Variants in LVRN observed in about 807,000 individuals in gnomAD.
LVRN encodes the protein aminopeptidase Q.
LVRN carries 99 observed loss-of-function variants against 111.4 expected under a neutral mutation model. The ratio of observed to expected loss-of-function variants is 0.89; its 90% CI spans 0.76 to 1.05. The LOEUF (loss-of-function observed/expected upper bound fraction) is 1.05, where lower values mean the gene tolerates loss of function less well. Ranked by LOEUF, LVRN falls within the 50% of genes least tolerant of loss-of-function variation. The pLI is 0.00. For missense variants in LVRN, 1,414 were observed against 1,206.8 expected (o/e 1.17, Z -2.54); for synonymous variants, 488 against 449.5 (o/e 1.09, Z -1.08).
intron 1 of LVRN, among the ~76,000 whole-genome samples, chr5:115,963,915 C>G (rs1753146150): frequency 6.6e-6 from 1 of 152,200 alleles, no homozygotes; most frequent in Non-Finnish European, 1.5e-5. Flanking sequence ...CCTTTCCTCT[C>G]TAGCCGGAAA....
intron 1 of LVRN, among the ~76,000 whole-genome samples, chr5:115,973,496 C>A (rs1293449154): frequency 6.6e-6 from 1 of 152,080 alleles, no homozygotes; most frequent in Non-Finnish European, 1.5e-5. Flanking sequence ...TCTTCTTTAA[C>A]CGTCTGATTG....
In LVRN at chr5:115,993,853, G is replaced by T; in HGVS notation, c.1373G>T (p.Arg458Ile). 1 of 1,541,096 alleles carries T rather than the reference G, an allele frequency of 6.5e-7. No individual in the cohort carries two copies. The highest frequency in any genetic ancestry group is 8.9e-7 in the Non-Finnish European group (1 of 1,129,218). The change falls in exon 6 of 20, where the codon AGA (arginine) becomes ATA (isoleucine). Residue 458 changes from arginine to isoleucine, a missense_variant and splice_region_variant. Coordinates refer to ENST00000357872, the MANE Select transcript of LVRN (RefSeq NM_173800.5). Reference protein sequence around the residue: ...VINYFNPKLPRNEIFFSNILH... With the variant: ...VINYFNPKLPINEIFFSNILH... ...AACTACTTTAATCCTAAACTCCCAAGAGTAAGTATGTTTACTAAGTTTATT... is the reference window on the plus strand; with the variant it reads ...AACTACTTTAATCCTAAACTCCCAATAGTAAGTATGTTTACTAAGTTTATT...
intron 1 of LVRN, among the ~76,000 whole-genome samples, chr5:115,972,209 T>A (rs1319006409): frequency 6.6e-6 from 1 of 152,070 alleles, no homozygotes; most frequent in Non-Finnish European, 1.5e-5. Flanking sequence ...TTCTGCTCTT[T>A]GAAAGACACT....
At position 116,025,982 on chromosome 5, in the gene LVRN, A is replaced by G; in HGVS notation, c.2837A>G (p.Gln946Arg). Reference sequence around the variant, plus strand: ...TCTGTCTCTCTGTCCTTCCAGCTGCAGCAGTTTTTCAGTAACATGTTGGAG... The same window carrying G: ...TCTGTCTCTCTGTCCTTCCAGCTGCGGCAGTTTTTCAGTAACATGTTGGAG... ...VTTDLQIVELQQFFSNMLEEH... is the reference protein window; with the variant it reads ...VTTDLQIVELRQFFSNMLEEH... Residue 946 changes from glutamine (Q) to arginine (R), a missense_variant, in exon 20 of 20, where the codon CAG (glutamine) becomes CGG (arginine). By Grantham distance (43) the Gln-to-Arg change is conservative. Transcript: ENST00000357872. The G allele has an allele frequency of 6.2e-7, 1 of 1,613,768 alleles. No homozygotes were observed. The highest frequency in any genetic ancestry group is 2.2e-5 in the East Asian group (1 of 44,872).
intron 6 of LVRN, among the ~76,000 whole-genome samples, chr5:115,998,752 T>C (rs956034650): frequency 4.6e-5 from 7 of 152,214 alleles, no homozygotes; most frequent in African/African-American, 1.2e-4. Context: ...AATCAGAACA[T>C]GATTTTGACA....
chr5:116,021,856 C>G (rs80207868), intron 18 of LVRN: 6,046 of 355,774 alleles, frequency 0.017, 151 homozygotes, highest in African/African-American at 0.075. Flanking sequence ...GTTTCCATGA[C>G]CACGCCTATT....
Position 116,008,270 on chromosome 5 carries a change from G to A in LVRN, c.2093+2303G>A, listed in dbSNP as rs111704746. Among the ~76,000 whole-genome samples, 1,017 of 152,272 alleles carry A rather than the reference G, an allele frequency of 6.7e-3. 11 individuals carry two copies. Among genetic ancestry groups the A allele is most frequent in the African/African-American group, 0.023 (957 of 41,542 alleles). On this transcript the variant is annotated intron_variant, in intron 13 of 19. Coordinates refer to ENST00000357872, the MANE Select transcript of LVRN (RefSeq NM_173800.5). ...GAGGCAGGAGAATGGCATGAACCCAGGAAGCAGAGCTTGCAGTGAGCAGAG... is the reference window on the plus strand; with the variant it reads ...GAGGCAGGAGAATGGCATGAACCCAAGAAGCAGAGCTTGCAGTGAGCAGAG...
At chr5:115,967,410 T>C (rs903349856) in intron 1 of LVRN, among the ~76,000 whole-genome samples, 1 of 152,210 alleles carries the variant, frequency 6.6e-6, no homozygotes, top group African/African-American at 2.4e-5. Context: ...CACTATTGAA[T>C]TGCTTTTGCA....
chr5:115,963,659 GA>G (rs1753141072), intron 1 of LVRN, among the ~76,000 whole-genome samples: 1 of 152,136 alleles, frequency 6.6e-6, no homozygotes, highest in Non-Finnish European at 1.5e-5. Flanking sequence ...ATTGAACAAT[GA>G]GAACACTTGG....
At position 115,999,776 on chromosome 5, in the gene LVRN, T is replaced by C; in HGVS notation, c.1389T>C (p.Phe463=). 6.2e-7 allele frequency: 1 copy of C among 1,613,422 alleles called. No individual in the cohort carries two copies. The highest frequency in any genetic ancestry group is 8.5e-7 in the Non-Finnish European group (1 of 1,179,688). Reference sequence around the variant, plus strand: ...TTCCTTTATAGAATGAGATCTTTTTTTCTAACATTTTACATAATATCCTCA... The same window carrying C: ...TTCCTTTATAGAATGAGATCTTTTTCTCTAACATTTTACATAATATCCTCA... ...NPKLPRNEIF[F]SNILHNILRE... is the part of the protein sequence containing the mutation. Residue 463 remains phenylalanine, a synonymous_variant, in exon 7 of 20, where the codon TTT becomes TTC. Coordinates refer to ENST00000357872, the MANE Select transcript of LVRN (RefSeq NM_173800.5).
intron 15 of LVRN, among the ~76,000 whole-genome samples, chr5:116,012,847 A>G (rs1031803566): frequency 6.6e-6 from 1 of 152,204 alleles, no homozygotes; most frequent in Non-Finnish European, 1.5e-5. Context: ...TCTGTATTTT[A>G]TTATTAACAG....
intron 15 of LVRN, among the ~76,000 whole-genome samples, chr5:116,013,679 G>A (rs1481302725): frequency 6.6e-6 from 1 of 152,110 alleles, no homozygotes; most frequent in Non-Finnish European, 1.5e-5. Context: ...ACTGGAGGAC[G>A]GAGTAACAGA....
chr5:116,007,999 C>T (rs1209347590), intron 13 of LVRN, among the ~76,000 whole-genome samples: 7 of 152,192 alleles, frequency 4.6e-5, no homozygotes, highest in Non-Finnish European at 1.5e-5. Flanking sequence ...AGCCATTCCT[C>T]CATCTCTCTC....
intron 4 of LVRN, among the ~76,000 whole-genome samples, chr5:115,991,792 A>G (rs187379916): frequency 6.6e-6 from 1 of 152,288 alleles, no homozygotes; most frequent in African/African-American, 2.4e-5. Flanking sequence ...TGTATTTGCC[A>G]TTTATATATC....
chr5:115,984,088 C>A (rs928814592), intron 2 of LVRN, among the ~76,000 whole-genome samples: 4 of 152,194 alleles, frequency 2.6e-5, no homozygotes, highest in African/African-American at 9.6e-5. Context: ...CAACCCATTT[C>A]ACATCGAGTG....
rs1472263207 is a variant in LVRN, at chr5:115,962,665, C to T, written c.48C>T (p.Ala16=). 2.5e-6 allele frequency: 4 copies of T among 1,609,738 alleles called. No individual in the cohort carries two copies. In the South Asian group the frequency reaches 4.4e-5, roughly 18 times the overall value. Reference sequence around the variant, plus strand: ...GCTTCTATGTGAGCCGCGCAGTGGCCCTGCTGCTGGCTGGGCTGGTAGCCG... The same window carrying T: ...GCTTCTATGTGAGCCGCGCAGTGGCTCTGCTGCTGGCTGGGCTGGTAGCCG... ...SSGFYVSRAV[A]LLLAGLVAAL... Residue 16 remains alanine (A), a synonymous_variant, in exon 1 of 20, where the codon GCC becomes GCT. Transcript: ENST00000357872.
intron 1 of LVRN, chr5:115,974,895 C>T: frequency 2.2e-6 from 1 of 459,580 alleles, no homozygotes; most frequent in Non-Finnish European, 4.4e-6. Context: ...TCTGTATCAC[C>T]ATGCAGAGAC....
In LVRN at chr5:116,000,522, C is replaced by T. The variant is rs201761440; in HGVS notation, c.1581+24C>T. ...AGGTGAGTTTGCAAAATAGTCGTTA[C>T]CTGGATGGCAGTAAACATAAATTCC... is the stretch of plus-strand genomic sequence containing the variant. On this transcript the variant is annotated intron_variant, in intron 8 of 19. Coordinates refer to ENST00000357872, the MANE Select transcript of LVRN (RefSeq NM_173800.5). 1.9e-6 allele frequency: 3 copies of T among 1,613,338 alleles called. No homozygotes were observed. The East Asian group carries it at 6.7e-5, about 36-fold the overall frequency.
At chr5:115,987,962 G>T (rs1438568017) in intron 4 of LVRN, 23 bp downstream of exon 4, 2 of 1,600,852 alleles carry the variant, frequency 1.2e-6, no homozygotes, top group Middle Eastern at 1.7e-4. Flanking sequence ...TTTCCTTTCA[G>T]TGCATTTGGT....
Sources: allele counts gnomAD v4.1 joint callset (sites outside exome capture counted in the v4.1 genomes callset), GRCh38; gene constraint gnomAD v4.1.1; transcripts MANE v1.5; gene names NCBI Gene and HGNC (gene_info 2026-07-23, HGNC 2026-07-21).